The following LEF1 variants were observed in gnomAD, a reference collection of about 807,000 sequenced individuals.
LEF1 encodes the protein lymphoid enhancer binding factor 1, also known as lymphoid enhancer-binding factor 1.
A neutral mutation model predicts 51.2 loss-of-function variants in LEF1; 14 were observed. That is an observed-to-expected ratio of 0.27 (90% CI 0.18 to 0.43). The LOEUF (loss-of-function observed/expected upper bound fraction) is 0.43, where lower values mean the gene tolerates loss of function less well. Ranked by LOEUF, LEF1 falls within the 20% of genes least tolerant of loss-of-function variation. The pLI is 1.00. For missense variants in LEF1, 386 were observed against 512.0 expected, an observed-to-expected ratio of 0.75 and a Z score of 2.37; for synonymous variants, 185 against 183.2, an observed-to-expected ratio of 1.01 and a Z score of -0.08.
intron 8 of LEF1, among the ~76,000 whole-genome samples, chr4:108,077,390 G>A (rs1239590753): frequency 6.6e-6 from 1 of 151,418 alleles, no homozygotes; most frequent in Admixed American, 6.6e-5. Flanking sequence ...GGGAGGTGAG[G>A]GGCACCTCTG....
At chr4:108,099,608 ATAT>A (rs1740669343) in intron 3 of LEF1, among the ~76,000 whole-genome samples, 1 of 119,476 alleles carries the variant, frequency 8.4e-6, no homozygotes, top group Non-Finnish European at 1.8e-5. Context: ...ATATATATAT[ATAT>A]ATATATAAAT....
chr4:108,129,684 TGTAA>T (rs1439579225), intron 3 of LEF1, among the ~76,000 whole-genome samples: 2 of 152,212 alleles, frequency 1.3e-5, no homozygotes, highest in Admixed American at 6.5e-5. Flanking sequence ...GCTCATTCTC[TGTAA>T]GTCTTTTCAA....
intron 3 of LEF1, among the ~76,000 whole-genome samples, chr4:108,124,732 G>A (rs1488843637): frequency 1.3e-5 from 2 of 152,134 alleles, no homozygotes; most frequent in Non-Finnish European, 2.9e-5. Context: ...TCTTAATTTT[G>A]GTCAGTTTGG....
chr4:108,070,475 CAA>C (rs375476270), intron 9 of LEF1, 186 bp downstream of exon 9: 169 of 324,646 alleles, frequency 5.2e-4, no homozygotes, highest in Non-Finnish European at 5.8e-4. Flanking sequence ...GCACCCATAG[CAA>C]AAAAAAAAAG....
chr4:108,077,913 C>T (rs1037152998), intron 8 of LEF1, among the ~76,000 whole-genome samples: 10 of 152,136 alleles, frequency 6.6e-5, no homozygotes, highest in East Asian at 1.9e-4. Context: ...GGTGGCACAA[C>T]GACTACAGTC....
At chr4:108,084,663 A>G (rs981820373) in intron 4 of LEF1, among the ~76,000 whole-genome samples, 3 of 152,246 alleles carry the variant, frequency 2.0e-5, no homozygotes, top group African/African-American at 7.2e-5. Context: ...ATTTCTCAAC[A>G]GAGGGCTTAC....
At chr4:108,102,965 T>A (rs1740925162) in intron 3 of LEF1, among the ~76,000 whole-genome samples, 1 of 152,196 alleles carries the variant, frequency 6.6e-6, no homozygotes, top group Non-Finnish European at 1.5e-5. Context: ...TATCCCATGT[T>A]TCAGAGAAGG....
intron 6 of LEF1, among the ~76,000 whole-genome samples, chr4:108,080,085 CA>C (rs1035136624): frequency 6.6e-6 from 1 of 152,068 alleles, no homozygotes; most frequent in African/African-American, 2.4e-5. Flanking sequence ...TAACATCATC[CA>C]AAATGATTTT....
Position 108,163,556 on chromosome 4 carries a change from C to T in LEF1, c.414+12G>A. 6.2e-7 allele frequency: 1 copy of T among 1,608,714 alleles called. No homozygotes were observed. The highest frequency in any genetic ancestry group is 8.5e-7 in the Non-Finnish European group (1 of 1,178,042). On this transcript the variant is annotated intron_variant, in intron 3 of 11. Transcript: ENST00000265165. ...TTCTGAACATAATTTGCAACATCAG[C>T]ATGTTACTTACTGTTCTCGGGATGG... is the stretch of plus-strand genomic sequence containing the variant.
rs1196920243 is a variant in LEF1 at position 108,048,066 on chromosome 4, G to C, written c.*692C>G. The C allele has an allele frequency of 2.0e-5, 3 of 152,388 alleles. No homozygotes were observed. The East Asian group carries it at 5.8e-4, about 29-fold the overall frequency. 9.4% of individuals were successfully genotyped at this position (152,388 alleles called of 1,614,324 possible). On this transcript the variant is annotated 3_prime_UTR_variant, in exon 12 of 12. Transcript: ENST00000265165. ...AGACAAGCTGTCTCAGAAAAAGAAG[G>C]CTTCTTTTTATGTCATTATTTCAAA... is the stretch of plus-strand genomic sequence containing the variant.
intron 11 of LEF1, among the ~76,000 whole-genome samples, chr4:108,061,731 A>C (rs996455888): frequency 6.6e-6 from 1 of 152,204 alleles, no homozygotes; most frequent in South Asian, 2.1e-4. Context: ...GTCATCAGCC[A>C]TGCTTACATC....
intron 9 of LEF1, among the ~76,000 whole-genome samples, chr4:108,065,358 G>T (rs564724281): frequency 3.9e-5 from 6 of 152,174 alleles, no homozygotes; most frequent in East Asian, 1.9e-4. Flanking sequence ...GGTGGCGTGC[G>T]CCTGTAATCT....
At chr4:108,056,512 T>C (rs760966806) in intron 11 of LEF1, among the ~76,000 whole-genome samples, 5 of 152,214 alleles carry the variant, frequency 3.3e-5, no homozygotes, top group Non-Finnish European at 7.3e-5. Flanking sequence ...TGTGAAAAAC[T>C]GCAGTCCACG....
At chr4:108,089,076 G>C in intron 4 of LEF1, 49 bp downstream of exon 4, 1 of 1,610,274 alleles carries the variant, frequency 6.2e-7, no homozygotes, top group South Asian at 1.1e-5. Flanking sequence ...ATGAGATTTG[G>C]CTCTTCATTT....
chr4:108,102,205 T>C (rs1164704159), intron 3 of LEF1, among the ~76,000 whole-genome samples: 1 of 152,146 alleles, frequency 6.6e-6, no homozygotes, highest in Non-Finnish European at 1.5e-5. Flanking sequence ...ACATAAATGG[T>C]AATTTGAAGA....
chr4:108,112,916 C>T (rs1049655669), intron 3 of LEF1, among the ~76,000 whole-genome samples: 1 of 152,132 alleles, frequency 6.6e-6, no homozygotes, highest in African/African-American at 2.4e-5. Context: ...TAAGACATCC[C>T]CCAGCTACCC....
At chr4:108,163,501 C>T (rs1745190835) in intron 3 of LEF1, 67 bp downstream of exon 3, 2 of 1,534,582 alleles carry the variant, frequency 1.3e-6, no homozygotes, top group Non-Finnish European at 1.8e-6. Flanking sequence ...GAAAAATAAA[C>T]ATTCTGCCAA....
chr4:108,130,538 G>A (rs1742807038), intron 3 of LEF1, among the ~76,000 whole-genome samples: 1 of 150,272 alleles, frequency 6.7e-6, no homozygotes, highest in African/African-American at 2.5e-5. Context: ...TAGTCAATTG[G>A]TGAAACCCTG....
intron 3 of LEF1, among the ~76,000 whole-genome samples, chr4:108,092,127 TATG>T (rs1407793699): frequency 1.3e-5 from 2 of 152,324 alleles, no homozygotes; most frequent in Non-Finnish European, 2.9e-5. Flanking sequence ...TTTGCTAAAT[TATG>T]CTATCCTTGC....
Sources: gnomAD v4.1 joint callset for allele counts (sites outside exome capture counted in the v4.1 genomes callset) on GRCh38, gnomAD v4.1.1 for gene constraint, MANE v1.5 for transcripts, NCBI Gene and HGNC (gene_info 2026-07-23, HGNC 2026-07-21) for gene names.